The following PHF21B variants were observed in gnomAD, a reference collection of about 807,000 sequenced individuals.
PHF21B encodes the protein PHD finger protein 21B, also known as PHD finger protein 4.
In PHF21B, 22 loss-of-function variants were observed where a neutral mutation model predicts 62.2. The observed-to-expected ratio is 0.35, with a 90% CI of 0.25 to 0.51. PHF21B has a LOEUF of 0.51. Ranked by LOEUF, PHF21B falls within the 20% of genes least tolerant of loss-of-function variation. The pLI, the probability that PHF21B is intolerant of heterozygous loss-of-function variation, is 0.97. For missense variants in PHF21B, 701 were observed against 707.9 expected (o/e 0.99, Z 0.11); for synonymous variants, 341 against 314.7 (o/e 1.08, Z -0.88).
At chr22:44,993,504 C>T (rs985927844) in intron 2 of PHF21B, among the ~76,000 whole-genome samples, 4 of 152,352 alleles carry the variant, frequency 2.6e-5, no homozygotes, top group South Asian at 4.1e-4. Flanking sequence ...CCCGGTCAAC[C>T]GGAGAACAGG....
At chr22:44,896,252 G>C (rs1046782688) in intron 5 of PHF21B, among the ~76,000 whole-genome samples, 169 bp from the exon 6 acceptor site, 7 of 152,200 alleles carry the variant, frequency 4.6e-5, no homozygotes, top group Non-Finnish European at 7.3e-5. Context: ...TGGGGAAATA[G>C]GATTTCCAAA....
chr22:44,958,719 C>T (rs1387156780), intron 2 of PHF21B, among the ~76,000 whole-genome samples: 62 of 148,288 alleles, frequency 4.2e-4, no homozygotes, highest in African/African-American at 9.9e-5. Context: ...GACTCTCCTG[C>T]CTCAGCCTCT....
chr22:44,957,933 G>A (rs931142154), intron 2 of PHF21B, among the ~76,000 whole-genome samples: 30 of 146,632 alleles, frequency 2.0e-4, no homozygotes, highest in South Asian at 4.3e-4. Flanking sequence ...ATGGAGTTTC[G>A]CTCTTGTTGC....
chr22:44,965,373 C>A (rs187170175), intron 2 of PHF21B, among the ~76,000 whole-genome samples: 1 of 152,058 alleles, frequency 6.6e-6, no homozygotes, highest in Admixed American at 6.5e-5. Flanking sequence ...GCCACCACTA[C>A]ACTAGCCACC....
chr22:44,976,224 T>G (rs551979336), intron 2 of PHF21B, among the ~76,000 whole-genome samples: 16 of 152,360 alleles, frequency 1.1e-4, no homozygotes, highest in Admixed American at 2.0e-4. Context: ...TGGGGTACAG[T>G]AGGATATTTT....
At chr22:44,987,553 C>T (rs2072972901) in intron 2 of PHF21B, among the ~76,000 whole-genome samples, 1 of 152,130 alleles carries the variant, frequency 6.6e-6, no homozygotes, top group Non-Finnish European at 1.5e-5. Flanking sequence ...AACGTGGGAC[C>T]TGAGAGGTGA....
intron 5 of PHF21B, chr22:44,902,007 A>AC: frequency 4.6e-6 from 1 of 217,848 alleles, no homozygotes; most frequent in Admixed American, 4.9e-5. Context: ...AGCCAGCATC[A>AC]CCCCTGGGAC....
chr22:44,978,990 C>T (rs969550380), intron 2 of PHF21B, among the ~76,000 whole-genome samples: 1 of 152,246 alleles, frequency 6.6e-6, no homozygotes, highest in Non-Finnish European at 1.5e-5. Context: ...GCCTCACCCC[C>T]AGTAACAACC....
chr22:45,002,268 G>A (rs1162920218), intron 2 of PHF21B, among the ~76,000 whole-genome samples: 2 of 152,050 alleles, frequency 1.3e-5, no homozygotes, highest in African/African-American at 4.8e-5. Context: ...TAAATCAATA[G>A]GAATAAAAAT....
At chr22:44,905,390 GT>G (rs1472757680) in intron 5 of PHF21B, among the ~76,000 whole-genome samples, 2 of 152,102 alleles carry the variant, frequency 1.3e-5, no homozygotes, top group Non-Finnish European at 2.9e-5. Context: ...TCATCTAAAT[GT>G]TTTATATCCT....
rs58426065 is a variant in PHF21B at position 44,960,956 on chromosome 22, A to ATTTTTTTTT, written c.121-40475_121-40467dup. 2.5e-5 allele frequency among the ~76,000 whole-genome samples: 3 copies of ATTTTTTTTT among 120,916 alleles called. 1 individual carries two copies. Among genetic ancestry groups the ATTTTTTTTT allele is most frequent in the Non-Finnish European group, 4.9e-5 (3 of 60,962 alleles). The allele number at this position is 120,916 out of a possible 152,430, so 79.3% of individuals were successfully genotyped here. Reference sequence around the variant, plus strand: ...TGTCCCTTCAAAATCACGTGAGTTGATTTTTTTTTTTTTTTTTTGAGAAGG... The same window carrying ATTTTTTTTT: ...TGTCCCTTCAAAATCACGTGAGTTGATTTTTTTTTTTTTTTTTTTTTTTTTTTGAGAAGG... On this transcript the variant is annotated intron_variant, in intron 2 of 12. Coordinates refer to ENST00000313237, the MANE Select transcript of PHF21B (RefSeq NM_138415.5).
At chr22:44,896,155 G>C in intron 5 of PHF21B, 72 bp from the exon 6 acceptor site, 2 of 1,554,836 alleles carry the variant, frequency 1.3e-6, no homozygotes, top group Non-Finnish European at 1.8e-6. Context: ...ACAAACATCT[G>C]CTGTGGCAGG....
intron 2 of PHF21B, among the ~76,000 whole-genome samples, chr22:44,949,114 C>A (rs1432956293): frequency 6.6e-6 from 1 of 151,976 alleles, no homozygotes; most frequent in Non-Finnish European, 1.5e-5. Context: ...CCAGCCTGAC[C>A]AACATGGAGA....
Position 44,903,991 on chromosome 22 carries a change from G to A in PHF21B, c.832-7908C>T, listed in dbSNP as rs1374523758. ...CCTCTACTTTATTTGTATTTTCAGT[G>A]TATCCTTTTTCATTTCCTACTTCTT... On this transcript the variant is annotated intron_variant, in intron 5 of 12. Transcript: ENST00000313237. Among the ~76,000 whole-genome samples, 3 of 151,904 alleles carry A rather than the reference G, an allele frequency of 2.0e-5. 1 individual carries two copies. The highest frequency in any genetic ancestry group is 4.2e-4 in the South Asian group (2 of 4,818).
chr22:44,902,919 C>T (rs1027974543), intron 5 of PHF21B, among the ~76,000 whole-genome samples: 3 of 152,312 alleles, frequency 2.0e-5, no homozygotes, highest in South Asian at 4.1e-4. Context: ...ATTACATTAG[C>T]CTTCTAGAAG....
intron 5 of PHF21B, among the ~76,000 whole-genome samples, chr22:44,897,159 A>G (rs1246556176): frequency 6.6e-6 from 1 of 152,080 alleles, no homozygotes; most frequent in African/African-American, 2.4e-5. Context: ...GACGTGGGCC[A>G]CCATGCCCAG....
intron 3 of PHF21B, among the ~76,000 whole-genome samples, chr22:44,916,935 G>T (rs2147304646): frequency 6.6e-6 from 1 of 152,376 alleles, no homozygotes; most frequent in South Asian, 2.1e-4. Context: ...GGGCGCGAGG[G>T]GACAGTCTGT....
intron 2 of PHF21B, among the ~76,000 whole-genome samples, chr22:44,922,503 A>T (rs1469754453): frequency 6.6e-6 from 1 of 152,204 alleles, no homozygotes; most frequent in Non-Finnish European, 1.5e-5. Flanking sequence ...GTGATGGCAC[A>T]TGCCTCTAAT....
chr22:44,917,667 GCTA>G (rs1379039208), intron 3 of PHF21B, among the ~76,000 whole-genome samples: 2 of 152,206 alleles, frequency 1.3e-5, no homozygotes, highest in African/African-American at 4.8e-5. Context: ...TAATAATGAT[GCTA>G]CCGTCGTTAT....
Sources: allele counts gnomAD v4.1 joint callset (sites outside exome capture counted in the v4.1 genomes callset), GRCh38; gene constraint gnomAD v4.1.1; transcripts MANE v1.5; gene names NCBI Gene and HGNC (gene_info 2026-07-23, HGNC 2026-07-21).